Variants in EIF2B3 observed in about 807,000 individuals in gnomAD.
EIF2B3 encodes eukaryotic translation initiation factor 2B subunit gamma, also known as translation initiation factor eIF2B subunit gamma.
A neutral mutation model predicts 54.1 loss-of-function variants in EIF2B3; 20 were observed. The ratio of observed to expected loss-of-function variants is 0.37; its 90% CI spans 0.26 to 0.54. The LOEUF is 0.54. Ranked by LOEUF, EIF2B3 falls within the 20% of genes least tolerant of loss-of-function variation. EIF2B3 has a pLI of 0.86. For missense variants in EIF2B3, 448 were observed against 547.8 expected (o/e 0.82, Z 1.82); for synonymous variants, 153 against 188.1 (o/e 0.81, Z 1.52).
intron 3 of EIF2B3, among the ~76,000 whole-genome samples, chr1:44,943,806 G>A (rs1476680325): frequency 6.6e-6 from 1 of 152,142 alleles, no homozygotes; most frequent in Non-Finnish European, 1.5e-5. Flanking sequence ...ATTAGTAATG[G>A]CTATTTGTAT....
chr1:44,888,057 G>A (rs1340483290), intron 6 of EIF2B3, among the ~76,000 whole-genome samples: 1 of 152,198 alleles, frequency 6.6e-6, no homozygotes, highest in Admixed American at 6.5e-5. Flanking sequence ...CATTTTACCT[G>A]AGTAAAGGAT....
chr1:44,982,975 G>A (rs1233533844), intron 1 of EIF2B3, among the ~76,000 whole-genome samples: 1 of 152,062 alleles, frequency 6.6e-6, no homozygotes, highest in Non-Finnish European at 1.5e-5. Flanking sequence ...TCTCCACATT[G>A]GTCAGGCTGG....
chr1:44,909,141 A>G (rs935074978), intron 5 of EIF2B3, among the ~76,000 whole-genome samples: 35 of 152,128 alleles, frequency 2.3e-4, no homozygotes, highest in African/African-American at 8.4e-4. Context: ...GAAGAAGGAA[A>G]TGAGGGGGGA....
At chr1:44,887,773 C>T (rs577711497) in intron 6 of EIF2B3, among the ~76,000 whole-genome samples, 7 of 152,160 alleles carry the variant, frequency 4.6e-5, no homozygotes, top group African/African-American at 1.2e-4. Flanking sequence ...GCCATGGTGG[C>T]GCAGGCCTGT....
At chr1:44,977,900 A>C (rs2148964055) in intron 3 of EIF2B3, among the ~76,000 whole-genome samples, 1 of 152,376 alleles carries the variant, frequency 6.6e-6, no homozygotes, top group South Asian at 2.1e-4. Flanking sequence ...ATGGGTAACA[A>C]AGTATGTGAT....
intron 5 of EIF2B3, among the ~76,000 whole-genome samples, chr1:44,900,025 C>T (rs1643248959): frequency 6.6e-6 from 1 of 152,186 alleles, no homozygotes; most frequent in Admixed American, 6.5e-5. Flanking sequence ...AAATCATGTC[C>T]TTTGCAGCAA....
chr1:44,856,960 G>A (rs1654452863), intron 11 of EIF2B3, among the ~76,000 whole-genome samples: 2 of 152,040 alleles, frequency 1.3e-5, no homozygotes. Flanking sequence ...GTGTGCCACT[G>A]TGCCTGGCTA....
chr1:44,956,990 T>G (rs1267298107), intron 3 of EIF2B3, among the ~76,000 whole-genome samples: 1 of 152,002 alleles, frequency 6.6e-6, no homozygotes, highest in African/African-American at 2.4e-5. Flanking sequence ...AGGCTGGGAG[T>G]GGTGGCTCAT....
At chr1:44,966,444 A>C in intron 3 of EIF2B3, among the ~76,000 whole-genome samples, 1 of 151,254 alleles carries the variant, frequency 6.6e-6, no homozygotes, top group South Asian at 2.1e-4. Context: ...GTCTCAAAAA[A>C]AAAAAAAAAA....
chr1:44,922,254 G>GA, intron 5 of EIF2B3, among the ~76,000 whole-genome samples: 1 of 150,698 alleles, frequency 6.6e-6, no homozygotes, highest in African/African-American at 2.4e-5. Flanking sequence ...CTATTTCTGT[G>GA]AAGAATGTCA....
rs563577428 is a variant in EIF2B3, at chr1:44,914,656, CTCCT to C, written c.566+11968_566+11971del. Among the ~76,000 whole-genome samples, 785 of 151,798 alleles carry C rather than the reference CTCCT, an allele frequency of 5.2e-3. 10 individuals are homozygous for C. The highest frequency in any genetic ancestry group is 0.018 in the African/African-American group (750 of 41,454). On this transcript the variant is annotated intron_variant, in intron 5 of 11. Coordinates refer to ENST00000360403, the MANE Select transcript of EIF2B3 (RefSeq NM_020365.5). Reference sequence around the variant, plus strand: ...AGAATTACTAAGAGTTTAAAAAATTCTCCTTCCTTCCTTCCTTCCTTTCTTCCCT... The same window carrying C: ...AGAATTACTAAGAGTTTAAAAAATTCTCCTTCCTTCCTTCCTTTCTTCCCT...
chr1:44,970,965 G>GT (rs2148960060), intron 3 of EIF2B3, among the ~76,000 whole-genome samples: 1 of 152,304 alleles, frequency 6.6e-6, no homozygotes, highest in Non-Finnish European at 1.5e-5. Flanking sequence ...AGGATTATAT[G>GT]TAAGAGATTC....
At chr1:44,860,266 C>A (rs1428082536) in intron 10 of EIF2B3, among the ~76,000 whole-genome samples, 1 of 152,208 alleles carries the variant, frequency 6.6e-6, no homozygotes, top group Non-Finnish European at 1.5e-5. Context: ...CCTCCTGCTT[C>A]AGCCCCCCAA....
At position 44,850,572 on chromosome 1, in the gene EIF2B3, C is replaced by G. The variant is rs1211360827; in HGVS notation, c.*379G>C. The G allele has an allele frequency of 3.3e-6, 1 of 299,640 alleles. No individual in the cohort carries two copies. Among genetic ancestry groups the G allele is most frequent in the East Asian group, 8.2e-5 (1 of 12,168 alleles). The allele number at this position is 299,640 out of a possible 1,614,324, so 18.6% of individuals were successfully genotyped here. ...TAGAAAGGCTGATTAGGATAAGGGACTGAAGTACTCCCAGGTCCTTTTAGG... is the reference window on the plus strand; with the variant it reads ...TAGAAAGGCTGATTAGGATAAGGGAGTGAAGTACTCCCAGGTCCTTTTAGG... On this transcript the variant is annotated 3_prime_UTR_variant, in exon 12 of 12. Coordinates refer to ENST00000360403, the MANE Select transcript of EIF2B3 (RefSeq NM_020365.5).
At chr1:44,942,420 T>TATACA (rs1644044772) in intron 3 of EIF2B3, among the ~76,000 whole-genome samples, 1 of 47,048 alleles carries the variant, frequency 2.1e-5, no homozygotes, top group African/African-American at 1.1e-4. Flanking sequence ...TATATATATT[T>TATACA]TTTTTTTTTT....
chr1:44,932,291 C>A (rs929692382), intron 4 of EIF2B3: 4 of 152,014 alleles, frequency 2.6e-5, no homozygotes, highest in African/African-American at 9.7e-5. Context: ...AAAAAGAAAC[C>A]AGAAACTTAG....
chr1:44,878,449 G>C (rs192068626), intron 8 of EIF2B3, among the ~76,000 whole-genome samples: 128 of 152,168 alleles, frequency 8.4e-4, no homozygotes, highest in African/African-American at 3.0e-3. Flanking sequence ...TTTTAGTAGA[G>C]ACAGGGTTTC....
At chr1:44,858,758 C>T (rs1021650496) in intron 10 of EIF2B3, among the ~76,000 whole-genome samples, 4 of 152,088 alleles carry the variant, frequency 2.6e-5, no homozygotes, top group African/African-American at 9.7e-5. Flanking sequence ...AGCCACCGCA[C>T]CTGGCCTAAA....
At chr1:44,852,704 A>G (rs1557656057) in intron 11 of EIF2B3, among the ~76,000 whole-genome samples, 1 of 151,706 alleles carries the variant, frequency 6.6e-6, no homozygotes, top group Non-Finnish European at 1.5e-5. Context: ...GCTTGAACCC[A>G]AGAGGTGGAG....
Sources: gnomAD v4.1 joint callset for allele counts (sites outside exome capture counted in the v4.1 genomes callset) on GRCh38, gnomAD v4.1.1 for gene constraint, MANE v1.5 for transcripts, NCBI Gene and HGNC (gene_info 2026-07-23, HGNC 2026-07-21) for gene names.